Variants in ZC3H8 observed in about 807,000 individuals in gnomAD.
ZC3H8 encodes zinc finger CCCH domain-containing protein 8.
A neutral mutation model predicts 42.5 loss-of-function variants in ZC3H8; 27 were observed. That is an observed-to-expected ratio of 0.64 (90% CI 0.47 to 0.88). ZC3H8 has a LOEUF of 0.88. ZC3H8 is among the 40% of genes least tolerant of loss of function. ZC3H8 has a pLI of 0.00. For synonymous variants in ZC3H8, 101 were observed against 110.1 expected, an observed-to-expected ratio of 0.92 and a Z score of 0.52; for missense variants, 277 against 336.1, an observed-to-expected ratio of 0.82 and a Z score of 1.37.
chr2:112,225,734 T>C (rs1684795140), intron 8 of ZC3H8, among the ~76,000 whole-genome samples: 1 of 152,080 alleles, frequency 6.6e-6, no homozygotes, highest in Admixed American at 6.6e-5. Flanking sequence ...GGAATATCAC[T>C]TGAACCCAGG....
At chr2:112,245,961 C>G (rs990974704) in intron 2 of ZC3H8, among the ~76,000 whole-genome samples, 5 of 152,182 alleles carry the variant, frequency 3.3e-5, no homozygotes, top group African/African-American at 1.2e-4. Flanking sequence ...TAGGCTAACT[C>G]TTGTTAGGAG....
At chr2:112,250,352 T>C (rs536734608) in intron 1 of ZC3H8, 80 bp from the exon 2 acceptor site, 11 of 952,586 alleles carry the variant, frequency 1.2e-5, no homozygotes, top group African/African-American at 1.7e-5. Context: ...ATTCACTGCT[T>C]TGGCTTGTCT....
chr2:112,222,988 C>T (rs912430918), intron 8 of ZC3H8, among the ~76,000 whole-genome samples: 4 of 151,864 alleles, frequency 2.6e-5, no homozygotes, highest in Admixed American at 6.6e-5. Context: ...TTCCTATTTT[C>T]TTTAGTGTTT....
intron 3 of ZC3H8, among the ~76,000 whole-genome samples, chr2:112,237,451 C>T (rs779095864): frequency 2.0e-5 from 3 of 152,138 alleles, no homozygotes; most frequent in Non-Finnish European, 2.9e-5. Context: ...TATCCGTGCA[C>T]GCATTTATCC....
rs1686042774 is a variant in ZC3H8, at chr2:112,254,009, T to C, written c.74+899A>G. On this transcript the variant is annotated intron_variant, in intron 1 of 8. Coordinates refer to ENST00000409573, the MANE Select transcript of ZC3H8 (RefSeq NM_032494.3). ...GCAGGTTATTTAGCCTCTCCGTGCC[T>C]CAGTTTTCCCATCTGTAAAACGAGG... 1.1e-5 allele frequency: 7 copies of C among 641,648 alleles called. No individual in the cohort carries two copies. In the South Asian group the frequency reaches 4.9e-4, roughly 45 times the overall value. The allele number at this position is 641,648 out of a possible 1,614,324, so 39.7% of individuals were successfully genotyped here. A position where few individuals can be genotyped will look rare whatever the true frequency, so the allele number is the denominator to read the frequency against.
At chr2:112,234,284 A>C (rs1268358196) in intron 4 of ZC3H8, 48 bp from the exon 5 acceptor site, 8 of 1,366,656 alleles carry the variant, frequency 5.9e-6, no homozygotes, top group Non-Finnish European at 7.0e-6. Flanking sequence ...CAGAAAATTA[A>C]ATATTTTATT....
chr2:112,239,579 CTTTT>C (rs200972008), intron 2 of ZC3H8, among the ~76,000 whole-genome samples: 8 of 86,486 alleles, frequency 9.3e-5, no homozygotes, highest in Middle Eastern at 9.4e-3. Flanking sequence ...TAACAGTTTA[CTTTT>C]TTTTTTTTTT....
rs1413534293 is a variant in ZC3H8, at chr2:112,212,727, T to C, written c.*3757A>G. The C allele has an allele frequency of 1.3e-5, 2 of 152,120 alleles. No individual in the cohort carries two copies. The highest frequency in any genetic ancestry group is 2.9e-5 in the Non-Finnish European group (2 of 68,030). The allele number at this position is 152,120 out of a possible 1,614,324, so 9.4% of individuals were successfully genotyped here. On this transcript the variant is annotated 3_prime_UTR_variant, in exon 9 of 9. Coordinates refer to ENST00000409573, the MANE Select transcript of ZC3H8 (RefSeq NM_032494.3). ...ACCCCTTGAAATCTTAAGACAGCTG[T>C]CTCTGTTCTGGTGTCATAATCCCTA...
chr2:112,251,363 C>T (rs1228654355), intron 1 of ZC3H8, among the ~76,000 whole-genome samples: 1 of 152,214 alleles, frequency 6.6e-6, no homozygotes, highest in Non-Finnish European at 1.5e-5. Context: ...TCCAGAGTTA[C>T]ATCCATCAGA....
At chr2:112,224,921 C>G (rs997720744) in intron 8 of ZC3H8, among the ~76,000 whole-genome samples, 1 of 152,120 alleles carries the variant, frequency 6.6e-6, no homozygotes, top group African/African-American at 2.4e-5. Flanking sequence ...ATACACATGT[C>G]AAAACTCATT....
At position 112,244,745 on chromosome 2, in the gene ZC3H8, G is replaced by C. The variant is rs369416655; in HGVS notation, c.156+5446C>G. On this transcript the variant is annotated intron_variant, in intron 2 of 8. Coordinates refer to ENST00000409573, the MANE Select transcript of ZC3H8 (RefSeq NM_032494.3). ...TGACGTTACTATTGTAATTTTTGAGGGGGTGCCATGAACCATGCCCACATA... is the reference window on the plus strand; with the variant it reads ...TGACGTTACTATTGTAATTTTTGAGCGGGTGCCATGAACCATGCCCACATA... 4.6e-5 allele frequency among the ~76,000 whole-genome samples: 7 copies of C among 152,200 alleles called. No individual in the cohort carries two copies. The East Asian group carries it at 1.2e-3, about 25-fold the overall frequency.
intron 2 of ZC3H8, among the ~76,000 whole-genome samples, chr2:112,242,277 AGAAATC>A (rs1185667457): frequency 6.6e-6 from 1 of 152,134 alleles, no homozygotes; most frequent in Non-Finnish European, 1.5e-5. Context: ...TTGAAACAAA[AGAAATC>A]AAAAGAATAT....
chr2:112,250,177 C>G lies in ZC3H8; in HGVS notation c.156+14G>C. On this transcript the variant is annotated intron_variant, in intron 2 of 8. Coordinates refer to ENST00000409573, the MANE Select transcript of ZC3H8 (RefSeq NM_032494.3). The stretch of plus-strand genomic sequence containing the variant: ...CTGCGTTTTCAACTTAAACAGTGGT[C>G]AACTTAATCTTACTTTTTTGGGAAT... The G allele has an allele frequency of 6.5e-7, 1 of 1,545,874 alleles. No homozygotes were observed. The highest frequency in any genetic ancestry group is 8.7e-7 in the Non-Finnish European group (1 of 1,144,386).
intron 2 of ZC3H8, among the ~76,000 whole-genome samples, chr2:112,249,736 G>A (rs1226040431): frequency 3.3e-5 from 5 of 152,152 alleles, no homozygotes; most frequent in Admixed American, 2.6e-4. Context: ...GAGCCACCGC[G>A]CCCAGCCAAG....
chr2:112,248,747 T>A (rs1485942184), intron 2 of ZC3H8, among the ~76,000 whole-genome samples: 1 of 152,158 alleles, frequency 6.6e-6, no homozygotes, highest in African/African-American at 2.4e-5. Context: ...TTGTTATGGG[T>A]TGAACTGCAC....
At chr2:112,252,079 CTA>C (rs1286472039) in intron 1 of ZC3H8, among the ~76,000 whole-genome samples, 2 of 152,184 alleles carry the variant, frequency 1.3e-5, no homozygotes, top group Non-Finnish European at 2.9e-5. Flanking sequence ...CTATCCCTTT[CTA>C]TATCATCACT....
chr2:112,254,809 G>A lies in ZC3H8; in HGVS notation c.74+99C>T, dbSNP rs1054376944. The A allele has an allele frequency of 4.3e-6, 6 of 1,405,648 alleles. No homozygotes were observed. In the Admixed American group the frequency reaches 1.4e-4, roughly 32 times the overall value. The allele number at this position is 1,405,648 out of a possible 1,614,324, so 87.1% of individuals were successfully genotyped here. Reference sequence around the variant, plus strand: ...GCTCCCCACGGGCCCTCGCGACGCGGCCCGGACGTGGCCCCGGACTGCCTC... The same window carrying A: ...GCTCCCCACGGGCCCTCGCGACGCGACCCGGACGTGGCCCCGGACTGCCTC... On this transcript the variant is annotated intron_variant, in intron 1 of 8. Transcript: ENST00000409573.
chr2:112,252,685 C>G (rs188121739), intron 1 of ZC3H8, among the ~76,000 whole-genome samples: 71 of 152,250 alleles, frequency 4.7e-4, no homozygotes, highest in African/African-American at 1.7e-3. Flanking sequence ...ACTTTGCTCC[C>G]CTAACCCAAT....
chr2:112,252,486 A>C (rs1685984461), intron 1 of ZC3H8, among the ~76,000 whole-genome samples: 3 of 152,302 alleles, frequency 2.0e-5, no homozygotes, highest in Middle Eastern at 6.8e-3. Context: ...AACTAGAATG[A>C]CCCTGCTAAA....
Sources: allele counts gnomAD v4.1 joint callset (sites outside exome capture counted in the v4.1 genomes callset), GRCh38; gene constraint gnomAD v4.1.1; transcripts MANE v1.5; gene names NCBI Gene and HGNC (gene_info 2026-07-23, HGNC 2026-07-21).